COL6A3: variants seen among roughly 807,000 people sequenced by gnomAD.
COL6A3 encodes collagen alpha-3(VI) chain.
A neutral mutation model predicts 274.1 loss-of-function variants in COL6A3; 137 were observed. The ratio of observed to expected loss-of-function variants is 0.50; its 90% CI spans 0.44 to 0.58. The LOEUF (loss-of-function observed/expected upper bound fraction) is 0.58. COL6A3 is among the 20% of genes least tolerant of loss of function. COL6A3 has a pLI of 0.00. For synonymous variants in COL6A3, 1,650 were observed against 1,650.6 expected (o/e 1.00, Z 0.01); for missense variants, 3,950 against 4,124.9 (o/e 0.96, Z 1.16).
At chr2:237,393,176 C>T (rs779635646) in intron 3 of COL6A3, among the ~76,000 whole-genome samples, 14 of 152,302 alleles carry the variant, frequency 9.2e-5, no homozygotes, top group Non-Finnish European at 1.6e-4. Context: ...TTTGCAAGTT[C>T]CAGTTCTGGG....
Position 237,394,884 on chromosome 2 carries a change from C to T in COL6A3, c.412G>A (p.Ala138Thr). The stretch of plus-strand genomic sequence containing the variant: ...ATAACCTGAGGGACTCCGTCACCGG[C>T]CCGGCTTCCAGCAGCCTTGGTGAGG... The part of the protein sequence containing the change: ...SHLTKAAGSR[A>T]GDGVPQVIVV... The change falls in exon 3 of 44, where the codon GCC becomes ACC. Residue 138 changes from alanine to threonine, a missense_variant. Physicochemically the swap from Ala to Thr is moderately conservative, Grantham distance 58 (BLOSUM62 0). Coordinates refer to ENST00000295550, the MANE Select transcript of COL6A3 (RefSeq NM_004369.4). 6.2e-7 allele frequency: 1 copy of T among 1,611,670 alleles called. No homozygotes were observed. The highest frequency in any genetic ancestry group is 8.5e-7 in the Non-Finnish European group (1 of 1,177,938).
In COL6A3 at chr2:237,374,928, C is replaced by T. The variant is rs2077795753; in HGVS notation, c.3163G>A (p.Val1055Met). Residue 1055 changes from valine (V) to methionine (M), a missense_variant, in exon 8 of 44, where the codon GTG becomes ATG. By Grantham distance (21) the Val-to-Met change is conservative (BLOSUM62 1). This residue lies in a region of COL6A3 where 1,934 missense variants were observed against 1,984.3 expected (regional missense o/e 0.97). Transcript: ENST00000295550. This position sits in a 1 kb window ranked among gnomAD's most constrained non-coding sequence, Gnocchi z 4.8. ...PLLKEFVQRV[V>M]ESLDVGQDRV... ...TCCTGGCCCACATCCAGGCTTTCCA[C>T]CACTCTCTGGACAAACTCTTTCAAC... The T allele has an allele frequency of 6.2e-7, 1 of 1,613,858 alleles. No individual in the cohort carries two copies. The highest frequency in any genetic ancestry group is 1.3e-5 in the African/African-American group (1 of 74,872).
At chr2:237,342,407 G>C (rs1040579958) in intron 36 of COL6A3, 2 of 535,224 alleles carry the variant, frequency 3.7e-6, no homozygotes, top group Non-Finnish European at 6.7e-6. Flanking sequence ...GTTTTTTTCA[G>C]CTGTAAAATG....
At chr2:237,397,081 G>C (rs535770792) in intron 1 of COL6A3, among the ~76,000 whole-genome samples, 1 of 148,888 alleles carries the variant, frequency 6.7e-6, no homozygotes, top group Non-Finnish European at 1.5e-5. Context: ...ATACATACAT[G>C]CGCACATATA....
intron 28 of COL6A3, 41 bp from the exon 29 acceptor site, chr2:237,348,704 T>C: frequency 6.3e-7 from 1 of 1,586,122 alleles, no homozygotes; most frequent in Non-Finnish European, 8.7e-7. Context: ...TCGCCATGCC[T>C]GGCACACCAT....
intron 30 of COL6A3, among the ~76,000 whole-genome samples, chr2:237,348,141 CT>C (rs1466169560): frequency 1.3e-5 from 2 of 152,170 alleles, no homozygotes; most frequent in Non-Finnish European, 2.9e-5. Flanking sequence ...TTATTTAAAT[CT>C]CATAAACACC....
intron 32 of COL6A3, among the ~76,000 whole-genome samples, chr2:237,346,046 T>A (rs142884664): frequency 1.9e-4 from 29 of 152,336 alleles, no homozygotes; most frequent in African/African-American, 7.0e-4. Flanking sequence ...GAGGATGCCC[T>A]CCTGGCTCCT....
intron 43 of COL6A3, 117 bp downstream of exon 43, chr2:237,325,443 C>T: frequency 8.5e-7 from 1 of 1,174,696 alleles, no homozygotes; most frequent in Non-Finnish European, 1.3e-6. Flanking sequence ...TGAGGATACA[C>T]TTTATCTTCT....
chr2:237,393,642 C>T (rs2078348227), intron 3 of COL6A3, among the ~76,000 whole-genome samples: 1 of 152,208 alleles, frequency 6.6e-6, no homozygotes, highest in African/African-American at 2.4e-5. Context: ...CATTTTCTAA[C>T]AAGGGGAGGT....
Position 237,413,607 on chromosome 2 carries a change from G to A in COL6A3, c.-31+346C>T, listed in dbSNP as rs567218251. On this transcript the variant is annotated intron_variant, in intron 1 of 43. Transcript: ENST00000295550. This position sits in a 1 kb window ranked among gnomAD's most constrained non-coding sequence, Gnocchi z 4.0. The stretch of plus-strand genomic sequence containing the variant: ...GCAAAGACGCTTCTGCAAACAAAGC[G>A]GATCCCGAATGGGTTTTAGAAGGCG... Among the ~76,000 whole-genome samples, 1 of 152,148 alleles carries A rather than the reference G, an allele frequency of 6.6e-6. No homozygotes were observed. The highest frequency in any genetic ancestry group is 6.5e-5 in the Admixed American group (1 of 15,280).
chr2:237,366,696 C>T lies in COL6A3; in HGVS notation c.5491G>A (p.Ala1831Thr). The stretch of plus-strand genomic sequence containing the variant: ...ACATAATGGGAGTTACCTTTGGCAG[C>T]ATCAGTTACACCAGGGCAAAGGGTT... ...HETLCPGVTDAAKACNLDVIL... is the reference protein window; with the variant it reads ...HETLCPGVTDTAKACNLDVIL... Residue 1831 changes from alanine to threonine, a missense_variant, in exon 11 of 44, where the codon GCT (alanine) becomes ACT (threonine). By Grantham distance (58) the Ala-to-Thr change is moderately conservative. Transcript: ENST00000295550. 6.2e-7 allele frequency: 1 copy of T among 1,614,254 alleles called. No individual in the cohort carries two copies. The highest frequency in any genetic ancestry group is 8.5e-7 in the Non-Finnish European group (1 of 1,180,050).
intron 1 of COL6A3, among the ~76,000 whole-genome samples, chr2:237,406,904 T>C (rs2078733207): frequency 1.3e-5 from 2 of 148,296 alleles, no homozygotes; most frequent in East Asian, 2.0e-4. Context: ...CTTTCTTTTT[T>C]CCCTTTTTTT....
At chr2:237,341,707 T>C (rs977432258) in intron 37 of COL6A3, among the ~76,000 whole-genome samples, 1 of 152,174 alleles carries the variant, frequency 6.6e-6, no homozygotes, top group Admixed American at 6.5e-5. Context: ...CTGGCATTTT[T>C]AAAAGAAATG....
rs771536662 is a variant in COL6A3 at position 237,371,322 on chromosome 2, C to A, written c.4285+410G>T. Reference sequence around the variant, plus strand: ...GCATGAAGAACATAAAGGTGCTGGGCGCGGTGTCTCAGGCCTGTAATCCCA... The same window carrying A: ...GCATGAAGAACATAAAGGTGCTGGGAGCGGTGTCTCAGGCCTGTAATCCCA... On this transcript the variant is annotated intron_variant, in intron 9 of 43. Transcript: ENST00000295550. This position sits in a 1 kb window ranked among gnomAD's most constrained non-coding sequence, Gnocchi z 4.3. 2.6e-5 allele frequency among the ~76,000 whole-genome samples: 4 copies of A among 152,120 alleles called. No homozygotes were observed. The highest frequency in any genetic ancestry group is 9.7e-5 in the African/African-American group (4 of 41,428).
Position 237,359,619 on chromosome 2 carries a change from G to A in COL6A3, c.6283-231C>T, listed in dbSNP as rs572100930. Among the ~76,000 whole-genome samples the A allele has an allele frequency of 2.0e-5, 3 of 152,336 alleles. No individual in the cohort carries two copies. In the East Asian group the frequency reaches 5.8e-4, roughly 29 times the overall value. ...GTGGTCTTGGCTCCCTGGGCCGGCG[G>A]GGGTGGACCCCAAAACCCAGGGCAA... On this transcript the variant is annotated intron_variant, in intron 17 of 43. Coordinates refer to ENST00000295550, the MANE Select transcript of COL6A3 (RefSeq NM_004369.4).
Position 237,371,974 on chromosome 2 carries a change from G to C in COL6A3, c.4043C>G (p.Ser1348Cys). ...QFLVLISSGKSDDEVDDPAVE... is the reference protein window; with the variant it reads ...QFLVLISSGKCDDEVDDPAVE... Reference sequence around the variant, plus strand: ...CGCCGGGTCGTCCACCTCATCGTCAGACTTTCCAGACGAGATGAGGACCAG... The same window carrying C: ...CGCCGGGTCGTCCACCTCATCGTCACACTTTCCAGACGAGATGAGGACCAG... The change falls in exon 9 of 44, where the codon TCT becomes TGT. Residue 1348 changes from serine (S) to cysteine (C), a missense_variant. Transcript: ENST00000295550. This position sits in a 1 kb window ranked among gnomAD's most constrained non-coding sequence, Gnocchi z 4.3. 1 of 1,614,144 alleles carries C rather than the reference G, an allele frequency of 6.2e-7. No homozygotes were observed. Among genetic ancestry groups the C allele is most frequent in the South Asian group, 1.1e-5 (1 of 91,078 alleles).
rs369194015 is a variant in COL6A3 at position 237,331,727 on chromosome 2, A to T, written c.9328+1723T>A. Among the ~76,000 whole-genome samples, 144 of 135,704 alleles carry T rather than the reference A, an allele frequency of 1.1e-3. 2 individuals are homozygous for T. The highest frequency in any genetic ancestry group is 2.8e-3 in the African/African-American group (101 of 36,198). The allele number at this position is 135,704 out of a possible 152,430, so 89.0% of individuals were successfully genotyped here. The stretch of plus-strand genomic sequence containing the variant: ...ATGCAGGGCCTTGTTCTTTTTTTAA[A>T]AAAAAAAAAAGGTAATTTATGTCTT... On this transcript the variant is annotated intron_variant, in intron 42 of 43. Coordinates refer to ENST00000295550, the MANE Select transcript of COL6A3 (RefSeq NM_004369.4).
chr2:237,346,533 C>G lies in COL6A3; in HGVS notation c.7062G>C (p.Gln2354His). The part of the protein sequence containing the change: ...GNSGPPGIVG[Q>H]KGDPGYPGPA... ...GTCCTGGGTAGCCAGGGTCTCCCTT[C>G]TGTCCAACTATCCCTGGAGGTCCCG... is the stretch of plus-strand genomic sequence containing the variant. Residue 2354 changes from glutamine (Q) to histidine (H), a missense_variant, in exon 32 of 44, where the codon CAG (glutamine) becomes CAC (histidine). Around this residue, in one of 5 missense-constraint regions of COL6A3, gnomAD observed 1,284 missense variants for 1,349.7 expected, o/e 0.95. Transcript: ENST00000295550. 1 of 1,614,050 alleles carries G rather than the reference C, an allele frequency of 6.2e-7. No individual in the cohort carries two copies. The highest frequency in any genetic ancestry group is 8.5e-7 in the Non-Finnish European group (1 of 1,179,964).
chr2:237,375,523 GT>G (rs2077814487), intron 7 of COL6A3, among the ~76,000 whole-genome samples: 2 of 152,106 alleles, frequency 1.3e-5, no homozygotes, highest in Non-Finnish European at 2.9e-5. Flanking sequence ...TTTTGTTTTT[GT>G]TTTTGTTTTT....
Sources: gnomAD v4.1 joint callset for allele counts (sites outside exome capture counted in the v4.1 genomes callset) on GRCh38, gnomAD v4.1.1 for gene constraint, gnomAD v4.1.1 regional missense constraint, Gnocchi (gnomAD v3.1) non-coding constraint, MANE v1.5 for transcripts, NCBI Gene and HGNC (gene_info 2026-07-23, HGNC 2026-07-21) for gene names.